Variants in FAM228B observed in about 807,000 individuals in gnomAD.
The protein encoded by FAM228B is family with sequence similarity 228 member B.
FAM228B carries 38 observed loss-of-function variants against 42.6 expected under a neutral mutation model. The ratio of observed to expected loss-of-function variants is 0.89; its 90% CI spans 0.69 to 1.17. FAM228B has a LOEUF of 1.17. FAM228B is among the 50% of genes most tolerant of loss of function. FAM228B has a pLI of 0.00. For missense variants in FAM228B, 344 were observed against 367.3 expected (o/e 0.94, Z 0.52); for synonymous variants, 109 against 122.3 (o/e 0.89, Z 0.72).
intron 3 of FAM228B, among the ~76,000 whole-genome samples, chr2:24,116,003 C>T (rs749277821): frequency 2.6e-5 from 4 of 151,984 alleles, no homozygotes; most frequent in Non-Finnish European, 4.4e-5. Context: ...CTGCTGCCCT[C>T]CTCTCCTATA....
intron 7 of FAM228B, among the ~76,000 whole-genome samples, chr2:24,151,993 C>A (rs991081591): frequency 7.2e-5 from 11 of 152,080 alleles, no homozygotes; most frequent in Non-Finnish European, 1.6e-4. Context: ...CTCAGCCTCC[C>A]GAGTAGCTGG....
chr2:24,136,814 A>G (rs370957081), intron 3 of FAM228B, among the ~76,000 whole-genome samples: 1 of 152,214 alleles, frequency 6.6e-6, no homozygotes, highest in African/African-American at 2.4e-5. Flanking sequence ...TAAGTGTACC[A>G]TTCGGTGTCA....
chr2:24,138,169 T>C, intron 4 of FAM228B, 69 bp downstream of exon 4: 1 of 1,220,350 alleles, frequency 8.2e-7, no homozygotes, highest in Non-Finnish European at 1.1e-6. Context: ...TCATTTATAA[T>C]CATTCAGTCA....
chr2:24,084,452 C>G lies in FAM228B; in HGVS notation c.-210+3497C>G, dbSNP rs1665172088. ...GTATCCTCGCGGAGCAGCCCAGCCT[C>G]AGGCTGGCACCGCAGCGCCCCCTGC... On this transcript the variant is annotated intron_variant, in intron 2 of 10. Transcript: ENST00000613899. This position sits in a 1 kb window ranked among gnomAD's most constrained non-coding sequence, Gnocchi z 8.4. The G allele has an allele frequency of 8.2e-7, 1 of 1,226,088 alleles. No individual in the cohort carries two copies. Among genetic ancestry groups the G allele is most frequent in the Non-Finnish European group, 1.1e-6 (1 of 932,342 alleles). 76.0% of individuals were successfully genotyped at this position (1,226,088 alleles called of 1,614,324 possible).
chr2:24,082,547 T>G (rs1342297165), intron 2 of FAM228B, among the ~76,000 whole-genome samples: 1 of 152,246 alleles, frequency 6.6e-6, no homozygotes, highest in Non-Finnish European at 1.5e-5. Context: ...GACTGGCCTC[T>G]GTGGGATTGA....
chr2:24,108,334 A>C (rs1250421738), intron 3 of FAM228B, among the ~76,000 whole-genome samples: 1 of 152,170 alleles, frequency 6.6e-6, no homozygotes, highest in Non-Finnish European at 1.5e-5. Flanking sequence ...CCAGGACCAG[A>C]GGGATTCTCA....
chr2:24,084,786 G>T lies in FAM228B; in HGVS notation c.-210+3831G>T, dbSNP rs1665187762. ...GCGGCGCCGAGTGGTTCTGGCTCCT[G>T]CGGGTCCCGGTGACAAAGCCCGAGC... On this transcript the variant is annotated intron_variant, in intron 2 of 10. Transcript: ENST00000613899. This position sits in a 1 kb window ranked among gnomAD's most constrained non-coding sequence, Gnocchi z 8.4. The T allele has an allele frequency of 6.5e-6, 1 of 154,168 alleles. No homozygotes were observed. Among genetic ancestry groups the T allele is most frequent in the African/African-American group, 2.4e-5 (1 of 41,500 alleles). 9.6% of individuals were successfully genotyped at this position (154,168 alleles called of 1,614,324 possible).
At chr2:24,122,195 G>T (rs556685065), upstream of FAM228B, among the ~76,000 whole-genome samples, 1 of 152,190 alleles carries the variant, frequency 6.6e-6, no homozygotes, top group Non-Finnish European at 1.5e-5. Flanking sequence ...AGCCGGGCCT[G>T]GTAGCGCACT....
intron 5 of FAM228B, among the ~76,000 whole-genome samples, chr2:24,141,769 A>G (rs1245279251): frequency 6.6e-6 from 1 of 152,196 alleles, no homozygotes; most frequent in African/African-American, 2.4e-5. Context: ...TCACATGTCC[A>G]AATCAGTGAG....
intron 2 of FAM228B, among the ~76,000 whole-genome samples, chr2:24,088,445 G>A (rs1461101964): frequency 6.6e-6 from 1 of 151,874 alleles, no homozygotes; most frequent in Non-Finnish European, 1.5e-5. Flanking sequence ...CTGTCTCCTG[G>A]GTTTACGTGA....
chr2:24,081,096 T>G, intron 2 of FAM228B: 1 of 1,460,130 alleles, frequency 6.8e-7, no homozygotes, highest in Non-Finnish European at 9.3e-7. Context: ...CACAGGCATA[T>G]TCTATCAAGA....
At chr2:24,117,363 T>G (rs1400798595) in intron 3 of FAM228B, among the ~76,000 whole-genome samples, 1 of 152,142 alleles carries the variant, frequency 6.6e-6, no homozygotes, top group African/African-American at 2.4e-5. Context: ...TCCTGTCTAT[T>G]TAAAGGTTTT....
At chr2:24,151,746 A>C (rs1667028817) in intron 7 of FAM228B, among the ~76,000 whole-genome samples, 1 of 150,640 alleles carries the variant, frequency 6.6e-6, no homozygotes, top group Admixed American at 6.6e-5. Context: ...GCAGTGGTGC[A>C]ATCTCGGCTC....
upstream of FAM228B, among the ~76,000 whole-genome samples, chr2:24,120,561 A>T (rs1666078296): frequency 6.6e-6 from 1 of 151,826 alleles, no homozygotes; most frequent in South Asian, 2.1e-4. Flanking sequence ...TTTTTTTTAA[A>T]ATTTTTTTTT....
At chr2:24,115,110 A>G (rs1027148238) in intron 3 of FAM228B, among the ~76,000 whole-genome samples, 2 of 152,162 alleles carry the variant, frequency 1.3e-5, no homozygotes, top group Non-Finnish European at 2.9e-5. Context: ...GTATTACAGG[A>G]GGGGTAACAC....
At position 24,167,647 on chromosome 2, in the gene FAM228B, G is replaced by C. The variant is rs1310790117; in HGVS notation, c.953G>C (p.Gly318Ala). The change falls in exon 10 of 11, where the codon GGG becomes GCG. Residue 318 changes from glycine to alanine, a missense_variant. Physicochemically the swap from Gly to Ala is moderately conservative, Grantham distance 60. Coordinates refer to ENST00000615575, the MANE Select transcript of FAM228B (RefSeq NM_001145710.2). ...TTAAGGTCTCCCTCCCCGCGTTTGG[G>C]GCTGCTGAAGCTGGAGCTATAAGAA... ...DQDGSPSPRL[G>A]LLKLEL The C allele has an allele frequency of 6.4e-7, 1 of 1,551,626 alleles. No individual in the cohort carries two copies. The highest frequency in any genetic ancestry group is 2.0e-5 in the Admixed American group (1 of 50,990).
At chr2:24,096,945 A>G (rs1665509615) in intron 3 of FAM228B, 1 of 152,106 alleles carries the variant, frequency 6.6e-6, no homozygotes, top group South Asian at 2.1e-4. Flanking sequence ...CTCTGCAGAA[A>G]CCCTACAAGA....
At chr2:24,163,818 G>C (rs779046634) in intron 8 of FAM228B, among the ~76,000 whole-genome samples, 1 of 152,178 alleles carries the variant, frequency 6.6e-6, no homozygotes, top group Non-Finnish European at 1.5e-5. Context: ...AGAAGAAAGA[G>C]GAAGACTGGA....
chr2:24,129,345 A>G (rs556761108), intron 2 of FAM228B, among the ~76,000 whole-genome samples: 28 of 150,170 alleles, frequency 1.9e-4, no homozygotes, highest in African/African-American at 6.6e-4. Flanking sequence ...TGGGAGAGTA[A>G]GTCTGTTTCC....
Sources: gnomAD v4.1 joint callset for allele counts (sites outside exome capture counted in the v4.1 genomes callset) on GRCh38, gnomAD v4.1.1 for gene constraint, Gnocchi (gnomAD v3.1) non-coding constraint, MANE v1.5 for transcripts, NCBI Gene and HGNC (gene_info 2026-07-23, HGNC 2026-07-21) for gene names.